The following SASH1 variants were observed in gnomAD, a reference collection of about 807,000 sequenced individuals.
SASH1 encodes SAM and SH3 domain containing 1.
SASH1 carries 44 observed loss-of-function variants against 125.2 expected under a neutral mutation model. The observed-to-expected ratio is 0.35, with a 90% CI of 0.28 to 0.45. The LOEUF (loss-of-function observed/expected upper bound fraction) is 0.45. SASH1 is among the 20% of genes least tolerant of loss of function. The pLI is 1.00. For synonymous variants in SASH1, 639 were observed against 649.1 expected (o/e 0.98, Z 0.24); for missense variants, 1,426 against 1,614.5 (o/e 0.88, Z 2.00).
At chr6:148,262,712 A>G in the SASH1 span, among the ~76,000 whole-genome samples, 1 of 152,136 alleles carries the variant, frequency 6.6e-6, no homozygotes. Flanking sequence ...GGGAAACCCC[A>G]TCTCTAGTAA....
At chr6:148,503,636 C>T (rs187699554) in intron 8 of SASH1, among the ~76,000 whole-genome samples, 1 of 152,132 alleles carries the variant, frequency 6.6e-6, no homozygotes, top group African/African-American at 2.4e-5. Flanking sequence ...GAGAAGGTCC[C>T]CACTTACAGG....
chr6:148,325,661 A>G (rs757294850), intron 1 of SASH1, among the ~76,000 whole-genome samples: 1 of 152,128 alleles, frequency 6.6e-6, no homozygotes, highest in African/African-American at 2.4e-5. Context: ...TGATTCAATT[A>G]TCTCCCACTG....
At chr6:148,408,843 C>T (rs1784481826) in intron 2 of SASH1, among the ~76,000 whole-genome samples, 1 of 152,216 alleles carries the variant, frequency 6.6e-6, no homozygotes, top group Non-Finnish European at 1.5e-5. Flanking sequence ...TTAATATTTG[C>T]ATATGGTGTA....
At position 148,330,587 on chromosome 6, in the gene SASH1, CTTTTTTA is replaced by C. The variant is rs1780964781; in HGVS notation, n.74+58217_74+58223del. On this transcript the variant is annotated intron_variant and non_coding_transcript_variant, in intron 1 of 3. Coordinates refer to the SASH1 transcript ENST00000367469. ...ATTAACACATTCCTTTTTATTTTTA[CTTTTTTA>C]TTTTTTCTGAGATGGAGTTTCCCTC... 2.0e-5 allele frequency among the ~76,000 whole-genome samples: 3 copies of C among 152,080 alleles called. No homozygotes were observed. In the South Asian group the frequency reaches 6.2e-4, roughly 32 times the overall value.
chr6:148,368,753 T>TGC (rs1782576783), intron 1 of SASH1, among the ~76,000 whole-genome samples: 1 of 31,232 alleles, frequency 3.2e-5, no homozygotes, highest in Non-Finnish European at 7.6e-5. Context: ...CTCCCCCACA[T>TGC]GCGCGCGCAC....
intron 1 of SASH1, among the ~76,000 whole-genome samples, chr6:148,359,112 A>AT (rs35539411): frequency 6.6e-6 from 1 of 151,728 alleles, no homozygotes; most frequent in African/African-American, 2.4e-5. Flanking sequence ...ATGTATATAT[A>AT]GGCATACTTC....
chr6:148,380,375 A>G (rs1293941687), intron 1 of SASH1, among the ~76,000 whole-genome samples: 3 of 152,240 alleles, frequency 2.0e-5, no homozygotes, highest in African/African-American at 7.2e-5. Context: ...AATTCTGGTC[A>G]TATCACATTC....
At chr6:148,476,274 CAA>C (rs35854127) in intron 7 of SASH1, among the ~76,000 whole-genome samples, 17 of 88,088 alleles carry the variant, frequency 1.9e-4, no homozygotes, top group Non-Finnish European at 2.5e-4. Flanking sequence ...AAAAGGACAC[CAA>C]AAAAAAAAAA....
At chr6:148,219,235 A>G in the SASH1 span, among the ~76,000 whole-genome samples, 4,695 of 152,184 alleles carry the variant, frequency 0.031, 231 homozygotes, top group African/African-American at 0.11. Context: ...TTCTCTCCTC[A>G]TTGTAGAAAT....
intron 1 of SASH1, among the ~76,000 whole-genome samples, chr6:148,281,425 G>A (rs1779338792): frequency 6.6e-6 from 1 of 152,104 alleles, no homozygotes. Flanking sequence ...GCAAGCTCCT[G>A]GAGGATATGC....
chr6:148,349,254 T>A (rs1781631071), intron 1 of SASH1, among the ~76,000 whole-genome samples: 2 of 41,826 alleles, frequency 4.8e-5, no homozygotes, highest in East Asian at 2.0e-3. Context: ...CTTTCTTTCT[T>A]TTTTTTTTTT....
At chr6:148,322,725 A>G (rs1189441135) in intron 1 of SASH1, among the ~76,000 whole-genome samples, 1 of 152,124 alleles carries the variant, frequency 6.6e-6, no homozygotes, top group Non-Finnish European at 1.5e-5. Context: ...TCCTACTTCT[A>G]GAACCAGTCT....
intron 8 of SASH1, among the ~76,000 whole-genome samples, chr6:148,510,168 T>C (rs1253707686): frequency 1.3e-5 from 2 of 152,200 alleles, no homozygotes; most frequent in Non-Finnish European, 2.9e-5. Flanking sequence ...TTACTACATA[T>C]AGCATTAGCC....
At chr6:148,322,976 T>C (rs1780690913) in intron 1 of SASH1, among the ~76,000 whole-genome samples, 1 of 135,662 alleles carries the variant, frequency 7.4e-6, no homozygotes, top group Admixed American at 7.7e-5. Flanking sequence ...TCTACTTCCC[T>C]CCCTCCCTTT....
chr6:148,206,562 G>A, the SASH1 span, among the ~76,000 whole-genome samples: 9 of 152,226 alleles, frequency 5.9e-5, no homozygotes, highest in Admixed American at 2.0e-4. Context: ...GGCCAAGGCA[G>A]GTGGACCACC....
At chr6:148,274,306 G>A (rs377613534) in intron 1 of SASH1, among the ~76,000 whole-genome samples, 28 of 152,114 alleles carry the variant, frequency 1.8e-4, no homozygotes, top group African/African-American at 6.3e-4. Flanking sequence ...TGTTACATGC[G>A]CTTTCCCTGG....
At chr6:148,419,534 G>A (rs911649480) in intron 2 of SASH1, among the ~76,000 whole-genome samples, 8 of 152,220 alleles carry the variant, frequency 5.3e-5, no homozygotes, top group East Asian at 1.9e-4. Context: ...CTAGGTTCAC[G>A]TCATCCTTTT....
At chr6:148,430,426 G>A (rs754080108) in intron 2 of SASH1, among the ~76,000 whole-genome samples, 46 of 152,290 alleles carry the variant, frequency 3.0e-4, no homozygotes, top group Middle Eastern at 3.4e-3. Flanking sequence ...TCGCCTCCTG[G>A]GTTCAAGCGA....
At chr6:148,339,981 G>A (rs758374366), upstream of SASH1, among the ~76,000 whole-genome samples, 11 of 152,312 alleles carry the variant, frequency 7.2e-5, no homozygotes, top group South Asian at 8.3e-4. Flanking sequence ...GGGGAAACTA[G>A]CACCAGGTCA....
Sources: gnomAD v4.1 joint callset for allele counts (sites outside exome capture counted in the v4.1 genomes callset) on GRCh38, gnomAD v4.1.1 for gene constraint, MANE v1.5 for transcripts, NCBI Gene and HGNC (gene_info 2026-07-23, HGNC 2026-07-21) for gene names.